The following CALD1 variants were observed in gnomAD, a reference collection of about 807,000 sequenced individuals.
The protein encoded by CALD1 is caldesmon.
Under a neutral mutation model 99.9 loss-of-function variants are expected in CALD1, and 33 were observed. The ratio of observed to expected loss-of-function variants is 0.33; its 90% CI spans 0.25 to 0.44. The LOEUF (loss-of-function observed/expected upper bound fraction) is 0.44. Ranked by LOEUF, CALD1 falls within the 20% of genes least tolerant of loss-of-function variation. CALD1 has a pLI of 1.00. For synonymous variants in CALD1, 310 were observed against 325.0 expected, an observed-to-expected ratio of 0.95 and a Z score of 0.50; for missense variants, 861 against 962.1, an observed-to-expected ratio of 0.89 and a Z score of 1.39.
chr7:134,800,529 A>G (rs1186410063), intron 1 of CALD1, among the ~76,000 whole-genome samples: 1 of 152,062 alleles, frequency 6.6e-6, no homozygotes, highest in Non-Finnish European at 1.5e-5. Flanking sequence ...GTCTGCTATT[A>G]ATATTGCTAC....
At chr7:134,929,344 C>T (rs1034892564) in intron 4 of CALD1, among the ~76,000 whole-genome samples, 2 of 151,700 alleles carry the variant, frequency 1.3e-5, no homozygotes, top group Non-Finnish European at 2.9e-5. Context: ...GCACTCGTCA[C>T]CCGAGCAGTA....
intron 1 of CALD1, among the ~76,000 whole-genome samples, chr7:134,755,286 C>T (rs1347569374): frequency 6.6e-6 from 1 of 152,198 alleles, no homozygotes; most frequent in Non-Finnish European, 1.5e-5. Flanking sequence ...CGGGCGTGAG[C>T]CACCATGCCC....
intron 3 of CALD1, among the ~76,000 whole-genome samples, chr7:134,904,410 G>A (rs1174778284): frequency 6.6e-5 from 10 of 151,444 alleles, no homozygotes; most frequent in Admixed American, 2.0e-4. Context: ...GTGAAATCTC[G>A]TCTCTACGAA....
At chr7:134,762,404 T>C (rs1405537862) in intron 1 of CALD1, among the ~76,000 whole-genome samples, 1 of 151,682 alleles carries the variant, frequency 6.6e-6, no homozygotes. Context: ...AGGGGAGGAG[T>C]GTTAGAGTTC....
chr7:134,775,881 A>G (rs796393915), upstream of CALD1, among the ~76,000 whole-genome samples: 58 of 152,296 alleles, frequency 3.8e-4, no homozygotes, highest in African/African-American at 1.3e-3. Flanking sequence ...ATTTTGTTAC[A>G]TTTATTCCCA....
In CALD1 at chr7:134,936,410, A is replaced by C. The variant is rs1355346162; in HGVS notation, c.1386+645A>C. Among the ~76,000 whole-genome samples, 4 of 152,368 alleles carry C rather than the reference A, an allele frequency of 2.6e-5. No homozygotes were observed. The East Asian group carries it at 7.7e-4, about 29-fold the overall frequency. ...TTGACAGTAATCAGAACACCACATCAGAACACTTGATTGCACTTCAACTCT... is the reference window on the plus strand; with the variant it reads ...TTGACAGTAATCAGAACACCACATCCGAACACTTGATTGCACTTCAACTCT... On this transcript the variant is annotated intron_variant, in intron 6 of 14. Coordinates refer to ENST00000361675, the MANE Select transcript of CALD1 (RefSeq NM_033138.4).
intron 1 of CALD1, among the ~76,000 whole-genome samples, chr7:134,841,598 T>C (rs551557752): frequency 6.6e-6 from 1 of 152,232 alleles, no homozygotes; most frequent in South Asian, 2.1e-4. Context: ...GAAGTCTACC[T>C]AGCAAAAAAG....
intron 1 of CALD1, among the ~76,000 whole-genome samples, chr7:134,839,663 C>T (rs1799575999): frequency 6.6e-6 from 1 of 152,044 alleles, no homozygotes; most frequent in African/African-American, 2.4e-5. Context: ...AGATTGAGCA[C>T]TTTTTCATAC....
Position 134,968,407 on chromosome 7 carries a change from T to G in CALD1, c.*62T>G. 1 of 1,481,056 alleles carries G rather than the reference T, an allele frequency of 6.8e-7. No homozygotes were observed. The highest frequency in any genetic ancestry group is 9.4e-7 in the Non-Finnish European group (1 of 1,058,910). 91.7% of individuals were successfully genotyped at this position (1,481,056 alleles called of 1,614,324 possible). A position where few individuals can be genotyped will look rare whatever the true frequency, so the allele number is the denominator to read the frequency against. On this transcript the variant is annotated 3_prime_UTR_variant, in exon 15 of 15. Transcript: ENST00000361675. ...ACGAGCTCAGTTGTAGAGGGCTAAT[T>G]CGCTCTGTTTTGTATTTATGTTGAT... is the stretch of plus-strand genomic sequence containing the variant.
intron 4 of CALD1, among the ~76,000 whole-genome samples, chr7:134,930,140 C>G (rs1204274385): frequency 6.6e-6 from 1 of 152,142 alleles, no homozygotes; most frequent in Non-Finnish European, 1.5e-5. Flanking sequence ...ATTATTCAAA[C>G]ACACTTAATG....
intron 3 of CALD1, among the ~76,000 whole-genome samples, chr7:134,886,908 C>T (rs1173966888): frequency 6.6e-6 from 1 of 152,162 alleles, no homozygotes; most frequent in Non-Finnish European, 1.5e-5. Flanking sequence ...ATCTTTGCAT[C>T]CCCCACAGCA....
intron 1 of CALD1, among the ~76,000 whole-genome samples, chr7:134,804,952 G>A (rs910429853): frequency 1.3e-5 from 2 of 152,188 alleles, no homozygotes; most frequent in African/African-American, 2.4e-5. Flanking sequence ...TGATAACTCA[G>A]GATGGGAATT....
chr7:134,870,649 A>G (rs1287967977), intron 3 of CALD1, among the ~76,000 whole-genome samples: 2 of 151,348 alleles, frequency 1.3e-5, no homozygotes, highest in African/African-American at 2.4e-5. Context: ...TTCTTTTGGG[A>G]TATTATATTG....
rs186857358 is a variant in CALD1 at position 134,863,705 on chromosome 7, T to C, written c.-41-3988T>C. Among the ~76,000 whole-genome samples the C allele has an allele frequency of 8.5e-5, 13 of 152,224 alleles. No homozygotes were observed. The East Asian group carries it at 2.3e-3, about 27-fold the overall frequency. Reference sequence around the variant, plus strand: ...AAAAGAAAAACAGCAAAAAAGAATATAAAACATAATACATTTCTTGGTTGA... The same window carrying C: ...AAAAGAAAAACAGCAAAAAAGAATACAAAACATAATACATTTCTTGGTTGA... On this transcript the variant is annotated intron_variant, in intron 2 of 14. Coordinates refer to ENST00000361675, the MANE Select transcript of CALD1 (RefSeq NM_033138.4).
intron 4 of CALD1, among the ~76,000 whole-genome samples, chr7:134,931,999 GTCT>G (rs1291725743): frequency 6.6e-6 from 1 of 152,176 alleles, no homozygotes; most frequent in Non-Finnish European, 1.5e-5. Flanking sequence ...CCAGCCACCT[GTCT>G]TCTTTTCTCT....
chr7:134,831,813 C>T (rs1799234845), intron 1 of CALD1, among the ~76,000 whole-genome samples: 1 of 152,146 alleles, frequency 6.6e-6, no homozygotes, highest in African/African-American at 2.4e-5. Flanking sequence ...TCAGTCCTTG[C>T]CTCCTCAGAA....
Position 134,899,207 on chromosome 7 carries a change from C to CT in CALD1, c.72-29531dup, listed in dbSNP as rs981812367. 6.5e-3 allele frequency among the ~76,000 whole-genome samples: 891 copies of CT among 137,922 alleles called. 4 individuals carry two copies. Among genetic ancestry groups the CT allele is most frequent in the Middle Eastern group, 0.016 (4 of 256 alleles). 90.5% of individuals were successfully genotyped at this position (137,922 alleles called of 152,430 possible). A position where few individuals can be genotyped will look rare whatever the true frequency, so the allele number is the denominator to read the frequency against. ...TTAGAACAAATGCTTCTTTCTTTTT[C>CT]TTTTTTTTTTTTTTTTGAGATAGAG... On this transcript the variant is annotated intron_variant, in intron 3 of 14. Coordinates refer to ENST00000361675, the MANE Select transcript of CALD1 (RefSeq NM_033138.4).
intron 1 of CALD1, among the ~76,000 whole-genome samples, chr7:134,747,537 C>T (rs1796645690): frequency 6.6e-6 from 1 of 152,230 alleles, no homozygotes; most frequent in Admixed American, 6.5e-5. Context: ...ACTCAGAAAG[C>T]ATTGTGGAGA....
intron 1 of CALD1, among the ~76,000 whole-genome samples, chr7:134,813,434 G>A (rs1659151417): frequency 6.6e-6 from 1 of 152,206 alleles, no homozygotes; most frequent in Admixed American, 6.5e-5. Context: ...AATTGCTAGA[G>A]CAATGTCCTT....
Sources: allele counts gnomAD v4.1 joint callset (sites outside exome capture counted in the v4.1 genomes callset), GRCh38; gene constraint gnomAD v4.1.1; transcripts MANE v1.5; gene names NCBI Gene and HGNC (gene_info 2026-07-23, HGNC 2026-07-21).